CARMIL1: variants seen among roughly 807,000 people sequenced by gnomAD.
CARMIL1 encodes F-actin-uncapping protein LRRC16A.
Under a neutral mutation model 177.1 loss-of-function variants are expected in CARMIL1, and 90 were observed. That is an observed-to-expected ratio of 0.51 (90% CI 0.43 to 0.61). The LOEUF (loss-of-function observed/expected upper bound fraction) is 0.61. CARMIL1 is among the 20% of genes least tolerant of loss of function. The probability of loss-of-function intolerance (pLI) is 0.00; values close to 1 mark genes in which losing one functional copy is unlikely to be tolerated. For synonymous variants in CARMIL1, 577 were observed against 606.2 expected (o/e 0.95, Z 0.71); for missense variants, 1,380 against 1,667.0 (o/e 0.83, Z 3.00).
At chr6:25,380,965 T>G (rs1264766463) in intron 2 of CARMIL1, among the ~76,000 whole-genome samples, 1 of 152,216 alleles carries the variant, frequency 6.6e-6, no homozygotes, top group Non-Finnish European at 1.5e-5. Context: ...ACTATATGTG[T>G]GTTAGGACTG....
At chr6:25,294,402 T>A (rs933923406) in intron 2 of CARMIL1, among the ~76,000 whole-genome samples, 1 of 152,158 alleles carries the variant, frequency 6.6e-6, no homozygotes, top group Non-Finnish European at 1.5e-5. Context: ...GCCTAGAGGA[T>A]CTTGGGGCTG....
At chr6:25,298,532 A>G (rs192203284) in intron 2 of CARMIL1, among the ~76,000 whole-genome samples, 1 of 152,254 alleles carries the variant, frequency 6.6e-6, no homozygotes, top group East Asian at 1.9e-4. Flanking sequence ...TGCATTTCCA[A>G]TACGTATCTG....
At chr6:25,500,264 A>G (rs986433234) in intron 17 of CARMIL1, 29 bp downstream of exon 17, 1 of 1,583,998 alleles carries the variant, frequency 6.3e-7, no homozygotes, top group African/African-American at 1.3e-5. Context: ...TGTATACTGG[A>G]ATAGATAATA....
intron 5 of CARMIL1, among the ~76,000 whole-genome samples, chr6:25,449,676 A>G (rs543739073): frequency 6.6e-6 from 1 of 152,374 alleles, no homozygotes; most frequent in South Asian, 2.1e-4. Flanking sequence ...CTGCATTGCT[A>G]AATACCTTTC....
chr6:25,306,879 CT>C lies in CARMIL1; in HGVS notation c.138+21989del, dbSNP rs35585232. On this transcript the variant is annotated intron_variant, in intron 2 of 36. Coordinates refer to ENST00000329474, the MANE Select transcript of CARMIL1 (RefSeq NM_017640.6). Reference sequence around the variant, plus strand: ...CCACCTGTTTCCTGCAGTGCCTTGGCTTTTTTTTTTTTTTTTTTTGACGAGT... The same window carrying C: ...CCACCTGTTTCCTGCAGTGCCTTGGCTTTTTTTTTTTTTTTTTTGACGAGT... Among the ~76,000 whole-genome samples, 416 of 105,944 alleles carry C rather than the reference CT, an allele frequency of 3.9e-3. 2 individuals carry two copies. Among genetic ancestry groups the C allele is most frequent in the Middle Eastern group, 0.03 (5 of 164 alleles). 69.5% of individuals were successfully genotyped at this position (105,944 alleles called of 152,430 possible). A position where few individuals can be genotyped will look rare whatever the true frequency, so the allele number is the denominator to read the frequency against.
intron 2 of CARMIL1, among the ~76,000 whole-genome samples, chr6:25,324,545 C>A (rs1399296333): frequency 1.3e-5 from 2 of 152,110 alleles, no homozygotes; most frequent in African/African-American, 4.8e-5. Context: ...AGTTTCATGG[C>A]TTTTCCTCTC....
intron 2 of CARMIL1, among the ~76,000 whole-genome samples, chr6:25,324,189 A>C (rs936792520): frequency 2.0e-5 from 3 of 152,198 alleles, no homozygotes; most frequent in Admixed American, 6.5e-5. Context: ...GAGGGTAGCA[A>C]ATCCCATGCT....
intron 2 of CARMIL1, among the ~76,000 whole-genome samples, chr6:25,401,682 G>A (rs936895714): frequency 3.9e-5 from 6 of 152,244 alleles, no homozygotes; most frequent in East Asian, 3.9e-4. Context: ...GCCAGCTGTC[G>A]GGTTAGGAGA....
At chr6:25,480,807 A>G (rs1295691802) in intron 11 of CARMIL1, among the ~76,000 whole-genome samples, 1 of 127,830 alleles carries the variant, frequency 7.8e-6, no homozygotes, top group African/African-American at 3.0e-5. Flanking sequence ...TGCAATCTCC[A>G]CCTCCTGAGT....
intron 5 of CARMIL1, among the ~76,000 whole-genome samples, chr6:25,445,676 A>G (rs1798163781): frequency 6.6e-6 from 1 of 151,846 alleles, no homozygotes; most frequent in Non-Finnish European, 1.5e-5. Flanking sequence ...CTGGGACTAC[A>G]GGTGCCCGCC....
At chr6:25,338,265 A>T (rs530347548) in intron 2 of CARMIL1, among the ~76,000 whole-genome samples, 60 of 70,824 alleles carry the variant, frequency 8.5e-4, no homozygotes, top group Middle Eastern at 7.5e-3. Context: ...TCAAAAAAAA[A>T]AAAATAAAAT....
Position 25,300,604 on chromosome 6 carries a change from G to A in CARMIL1, c.138+15695G>A, listed in dbSNP as rs1409748171. On this transcript the variant is annotated intron_variant, in intron 2 of 36. Transcript: ENST00000329474. ...GTAGAGGTTGCAGTGGGCTGAGATCGTGCTACTGCACTCCAGCCTGGGTGA... is the reference window on the plus strand; with the variant it reads ...GTAGAGGTTGCAGTGGGCTGAGATCATGCTACTGCACTCCAGCCTGGGTGA... 4.6e-5 allele frequency among the ~76,000 whole-genome samples: 7 copies of A among 152,304 alleles called. No individual in the cohort carries two copies. In the East Asian group the frequency reaches 7.7e-4, roughly 17 times the overall value.
chr6:25,464,230 C>A (rs1265789232), intron 8 of CARMIL1, among the ~76,000 whole-genome samples: 1 of 150,436 alleles, frequency 6.6e-6, no homozygotes, highest in African/African-American at 2.4e-5. Flanking sequence ...CATGACTGAG[C>A]CTGCCTATTT....
chr6:25,433,338 T>A (rs1465301720), intron 4 of CARMIL1: 1 of 152,252 alleles, frequency 6.6e-6, no homozygotes, highest in Non-Finnish European at 1.5e-5. Flanking sequence ...ATGTGAAGAA[T>A]GTAAAAGTAC....
chr6:25,281,271 TGCGA>T (rs1236055908), intron 1 of CARMIL1, among the ~76,000 whole-genome samples: 2 of 151,896 alleles, frequency 1.3e-5, no homozygotes, highest in African/African-American at 4.8e-5. Context: ...TCTGGGAGGC[TGCGA>T]CCTTTCCAAC....
intron 2 of CARMIL1, among the ~76,000 whole-genome samples, chr6:25,363,981 G>T (rs1789495758): frequency 1.3e-5 from 2 of 151,730 alleles, no homozygotes; most frequent in African/African-American, 4.8e-5. Context: ...TCGCTCTGTT[G>T]CCCAGGCTGG....
chr6:25,332,775 G>A (rs2744305), intron 2 of CARMIL1, among the ~76,000 whole-genome samples: 89,120 of 137,094 alleles, frequency 0.65, 27,033 homozygotes, highest in South Asian at 0.7. Context: ...ACACACACGC[G>A]CACACACACA....
chr6:25,285,715 T>C (rs2690047), intron 2 of CARMIL1, among the ~76,000 whole-genome samples: 12,502 of 152,144 alleles, frequency 0.082, 909 homozygotes, highest in African/African-American at 0.19. Context: ...TATATCGAAC[T>C]CTGTGTACCT....
chr6:25,518,433 G>A (rs187472399), intron 22 of CARMIL1, among the ~76,000 whole-genome samples: 1 of 152,156 alleles, frequency 6.6e-6, no homozygotes, highest in East Asian at 1.9e-4. Context: ...GGAGTTCAAA[G>A]TTACTACCAT....
Sources: gnomAD v4.1 joint callset for allele counts (sites outside exome capture counted in the v4.1 genomes callset) on GRCh38, gnomAD v4.1.1 for gene constraint, MANE v1.5 for transcripts, NCBI Gene and HGNC (gene_info 2026-07-23, HGNC 2026-07-21) for gene names.